Variants in ZNF516 observed in about 807,000 individuals in gnomAD.
ZNF516 encodes zinc finger protein 516.
In ZNF516, 19 loss-of-function variants were observed where a neutral mutation model predicts 79.7. The ratio of observed to expected loss-of-function variants is 0.24; its 90% CI spans 0.17 to 0.35. The LOEUF (loss-of-function observed/expected upper bound fraction) is 0.35, where lower values mean the gene tolerates loss of function less well. Among genes scored for constraint, ZNF516 ranks in the 10% least tolerant of loss-of-function variants. ZNF516 has a pLI of 1.00. For synonymous variants in ZNF516, 877 were observed against 739.5 expected (o/e 1.19, Z -3.02); for missense variants, 1,678 against 1,679.5 (o/e 1.00, Z 0.02).
intron 4 of ZNF516, among the ~76,000 whole-genome samples, chr18:76,372,100 C>A (rs947596610): frequency 6.6e-6 from 1 of 152,238 alleles, no homozygotes; most frequent in Non-Finnish European, 1.5e-5. Flanking sequence ...CCCCGGCCCC[C>A]AGAAGGGAGG....
chr18:76,427,502 G>A (rs1269853289), intron 3 of ZNF516, among the ~76,000 whole-genome samples: 2 of 152,110 alleles, frequency 1.3e-5, no homozygotes, highest in African/African-American at 2.4e-5. Flanking sequence ...GAATATATAC[G>A]AGGTTTTACA....
At chr18:76,492,162 C>G in intron 1 of ZNF516, 1 of 985,404 alleles carries the variant, frequency 1.0e-6, no homozygotes, top group Non-Finnish European at 1.2e-6. Flanking sequence ...TCATCCCCAT[C>G]CCGGTGGGTA....
At chr18:76,404,654 T>C (rs1272910786) in intron 3 of ZNF516, among the ~76,000 whole-genome samples, 1 of 152,208 alleles carries the variant, frequency 6.6e-6, no homozygotes, top group Non-Finnish European at 1.5e-5. Flanking sequence ...CATGTGCATG[T>C]GTACATGGGT....
At chr18:76,367,495 C>CG (rs2074633487) in intron 6 of ZNF516, among the ~76,000 whole-genome samples, 1 of 152,182 alleles carries the variant, frequency 6.6e-6, no homozygotes, top group South Asian at 2.1e-4. Flanking sequence ...ACCCCAGGCC[C>CG]GAGCCTCTGC....
At chr18:76,484,656 G>A (rs967660691) in intron 1 of ZNF516, among the ~76,000 whole-genome samples, 4 of 152,128 alleles carry the variant, frequency 2.6e-5, no homozygotes, top group African/African-American at 9.7e-5. Context: ...ACACACTCTC[G>A]ACGGCCCCCT....
rs1229260322 is a variant in ZNF516 at position 76,360,588 on chromosome 18, C to T, written c.*1910G>A. The T allele has an allele frequency of 2.3e-5, 3 of 131,096 alleles. No homozygotes were observed. Among genetic ancestry groups the T allele is most frequent in the South Asian group, 2.4e-4 (1 of 4,094 alleles). The allele number at this position is 131,096 out of a possible 1,614,324, so 8.1% of individuals were successfully genotyped here. On this transcript the variant is annotated 3_prime_UTR_variant, in exon 7 of 7. Coordinates refer to ENST00000443185, the MANE Select transcript of ZNF516 (RefSeq NM_014643.4). Reference sequence around the variant, plus strand: ...TCCTAATTACACCAACAGGACAGATCATTTTCGTACATATCTGGTGTAAGA... The same window carrying T: ...TCCTAATTACACCAACAGGACAGATTATTTTCGTACATATCTGGTGTAAGA...
intron 3 of ZNF516, chr18:76,388,305 A>G (rs1173573492): frequency 6.6e-6 from 1 of 152,222 alleles, no homozygotes; most frequent in Non-Finnish European, 1.5e-5. Flanking sequence ...TTGAACACTT[A>G]GCCATCCACA....
At chr18:76,460,420 T>C (rs539200586) in intron 2 of ZNF516, among the ~76,000 whole-genome samples, 2 of 152,276 alleles carry the variant, frequency 1.3e-5, no homozygotes, top group East Asian at 3.9e-4. Context: ...TGTCAGAACA[T>C]TCCTTGACCT....
chr18:76,485,156 T>G (rs1204148142), intron 1 of ZNF516, among the ~76,000 whole-genome samples: 4 of 152,202 alleles, frequency 2.6e-5, no homozygotes, highest in Non-Finnish European at 4.4e-5. Context: ...GCACCTGGGG[T>G]TGCACTGCAC....
At chr18:76,367,938 T>G (rs1290645394) in intron 6 of ZNF516, among the ~76,000 whole-genome samples, 2 of 152,216 alleles carry the variant, frequency 1.3e-5, no homozygotes, top group African/African-American at 4.8e-5. Flanking sequence ...CATCAAATAA[T>G]TTCTGCATGA....
chr18:76,471,260 A>G (rs577119154), intron 1 of ZNF516, among the ~76,000 whole-genome samples: 4 of 152,192 alleles, frequency 2.6e-5, no homozygotes, highest in African/African-American at 9.6e-5. Flanking sequence ...ACACGGAAAA[A>G]AAAAAAAAGA....
intron 3 of ZNF516, among the ~76,000 whole-genome samples, chr18:76,424,440 G>T (rs1369728400): frequency 7.0e-6 from 1 of 143,024 alleles, no homozygotes; most frequent in Non-Finnish European, 1.5e-5. Context: ...ACACGCAGGT[G>T]AAAAGGCTCC....
chr18:76,449,051 C>T (rs1255534683), intron 2 of ZNF516, among the ~76,000 whole-genome samples: 1 of 152,108 alleles, frequency 6.6e-6, no homozygotes, highest in Non-Finnish European at 1.5e-5. Flanking sequence ...CCTGGCTCCT[C>T]CCTCCCCATC....
Position 76,441,316 on chromosome 18 carries a change from G to A in ZNF516, c.1739C>T (p.Ser580Phe), listed in dbSNP as rs757903525. ...CTCGTCGGCCAGGCCAGAGCCCGGG[G>A]AGTCAGCAGCGGCACAGGCGGAGCC... ...SPGSACAAADSPGSGLADEAA... is the reference protein window; with the variant it reads ...SPGSACAAADFPGSGLADEAA... The change falls in exon 3 of 7, where the codon TCC (serine) becomes TTC (phenylalanine). Residue 580 changes from serine to phenylalanine, a missense_variant. Physicochemically the swap from Ser to Phe is radical, Grantham distance 155. This residue lies in a region of ZNF516 where 1,294 missense variants were observed against 1,248.3 expected (regional missense o/e 1.04). Transcript: ENST00000443185. 13 of 1,611,808 alleles carry A rather than the reference G, an allele frequency of 8.1e-6. No individual in the cohort carries two copies. The Admixed American group carries it at 1.0e-4, about 12-fold the overall frequency.
In ZNF516 at chr18:76,379,012, C is replaced by A; in HGVS notation, c.3102G>T (p.Gly1034=). Residue 1034 remains glycine (G), a synonymous_variant, in exon 4 of 7, where the codon GGG becomes GGT. Coordinates refer to ENST00000443185, the MANE Select transcript of ZNF516 (RefSeq NM_014643.4). ...TGATGGAGTGTAGGACGGGGGGCGC[C>A]CCAGCCACGCCGGGCTGGGCCTGCA... The part of the protein sequence containing the change: ...AALQAQPGVA[G]APPVLHSIKQ... The A allele has an allele frequency of 6.2e-7, 1 of 1,605,832 alleles. No homozygotes were observed. Among genetic ancestry groups the A allele is most frequent in the African/African-American group, 1.4e-5 (1 of 73,812 alleles).
intron 2 of ZNF516, among the ~76,000 whole-genome samples, chr18:76,452,993 G>T (rs1912509654): frequency 6.6e-6 from 1 of 152,130 alleles, no homozygotes; most frequent in Non-Finnish European, 1.5e-5. Context: ...AAGGGAAGGA[G>T]CCTCGTTCCC....
At chr18:76,463,420 G>T (rs560269848) in intron 1 of ZNF516, among the ~76,000 whole-genome samples, 40 of 152,328 alleles carry the variant, frequency 2.6e-4, no homozygotes, top group African/African-American at 9.4e-4. Context: ...CCAGGACGCC[G>T]CCTAACTGTA....
intron 3 of ZNF516, among the ~76,000 whole-genome samples, chr18:76,408,244 G>A (rs1372819233): frequency 1.3e-5 from 2 of 152,124 alleles, no homozygotes; most frequent in Non-Finnish European, 2.9e-5. Flanking sequence ...TGACCTCCCC[G>A]CTGTTATTGG....
At chr18:76,404,488 A>T (rs1177864114) in intron 3 of ZNF516, among the ~76,000 whole-genome samples, 2 of 151,464 alleles carry the variant, frequency 1.3e-5, no homozygotes, top group Non-Finnish European at 2.9e-5. Flanking sequence ...TGAGCATGTA[A>T]GCATGTGTGC....
Sources: gnomAD v4.1 joint callset for allele counts (sites outside exome capture counted in the v4.1 genomes callset) on GRCh38, gnomAD v4.1.1 for gene constraint, gnomAD v4.1.1 regional missense constraint, MANE v1.5 for transcripts, NCBI Gene and HGNC (gene_info 2026-07-23, HGNC 2026-07-21) for gene names.